Variants in SCMH1 observed in about 807,000 individuals in gnomAD.
SCMH1 encodes the protein Scm polycomb group protein homolog 1.
Under a neutral mutation model 70.8 loss-of-function variants are expected in SCMH1, and 37 were observed. That is an observed-to-expected ratio of 0.52 (90% CI 0.40 to 0.69). The LOEUF is 0.69. Among genes scored for constraint, SCMH1 ranks in the 30% least tolerant of loss-of-function variants. SCMH1 has a pLI of 0.00. For missense variants in SCMH1, 607 were observed against 827.3 expected (o/e 0.73, Z 3.27); for synonymous variants, 292 against 307.4 (o/e 0.95, Z 0.52).
chr1:41,222,714 T>A (rs1659540948), intron 1 of SCMH1, among the ~76,000 whole-genome samples: 1 of 152,132 alleles, frequency 6.6e-6, no homozygotes, highest in Non-Finnish European at 1.5e-5. Context: ...GGAGGCAGAT[T>A]TTCATTTCTG....
chr1:41,153,170 C>T (rs964311188), intron 4 of SCMH1, among the ~76,000 whole-genome samples: 6 of 152,088 alleles, frequency 3.9e-5, no homozygotes, highest in Non-Finnish European at 8.8e-5. Context: ...TTGGATTTCC[C>T]TGGATTGAGA....
intron 2 of SCMH1, among the ~76,000 whole-genome samples, chr1:41,176,091 A>T (rs767430717): frequency 6.6e-6 from 1 of 151,572 alleles, no homozygotes; most frequent in Non-Finnish European, 1.5e-5. Context: ...AAAGATCAAC[A>T]GTAAAACAAT....
intron 4 of SCMH1, among the ~76,000 whole-genome samples, chr1:41,152,104 A>G (rs1645122958): frequency 6.6e-6 from 1 of 152,128 alleles, no homozygotes. Flanking sequence ...AACACCCAAT[A>G]TGGTTGGATT....
At chr1:41,111,950 T>C (rs906431711) in intron 8 of SCMH1, among the ~76,000 whole-genome samples, 5 of 152,336 alleles carry the variant, frequency 3.3e-5, no homozygotes, top group African/African-American at 1.2e-4. Context: ...TGTATATAGA[T>C]GTCAAAACTT....
intron 1 of SCMH1, among the ~76,000 whole-genome samples, chr1:41,237,595 A>G (rs1227508276): frequency 2.0e-5 from 3 of 152,334 alleles, no homozygotes; most frequent in East Asian, 3.9e-4. Context: ...CTCTCTAGCC[A>G]TATTTCCTAC....
chr1:41,204,791 G>A (rs189321454), intron 1 of SCMH1, among the ~76,000 whole-genome samples: 8 of 152,206 alleles, frequency 5.3e-5, no homozygotes, highest in Admixed American at 4.6e-4. Context: ...CTCTCTCACT[G>A]GGGTGTTTAT....
intron 10 of SCMH1, among the ~76,000 whole-genome samples, chr1:41,067,787 T>C (rs1172201358): frequency 6.6e-6 from 1 of 152,164 alleles, no homozygotes; most frequent in Non-Finnish European, 1.5e-5. Context: ...TAAACCCAAA[T>C]GCAAACTATG....
rs142015771 is a variant in SCMH1, at chr1:41,125,136, CT to C, written c.413-8127del. On this transcript the variant is annotated intron_variant, in intron 6 of 14. Coordinates refer to ENST00000337495, the Ensembl canonical transcript of SCMH1. The stretch of plus-strand genomic sequence containing the variant: ...CCTATTCCTCAGTATGTTTTTTTAC[CT>C]AATAGTTTAAGCATTTATTGGTTAC... Among the ~76,000 whole-genome samples the C allele has an allele frequency of 6.1e-3, 929 of 152,102 alleles. 14 individuals are homozygous for C. The highest frequency in any genetic ancestry group is 0.021 in the African/African-American group (888 of 41,484).
chr1:41,164,001 A>G (rs1646245956), intron 2 of SCMH1, among the ~76,000 whole-genome samples: 1 of 152,156 alleles, frequency 6.6e-6, no homozygotes, highest in Admixed American at 6.5e-5. Context: ...TTGGTTGAAA[A>G]TTTAGATTCA....
At chr1:41,127,902 C>T (rs1431938237) in intron 6 of SCMH1, among the ~76,000 whole-genome samples, 1 of 152,102 alleles carries the variant, frequency 6.6e-6, no homozygotes, top group Non-Finnish European at 1.5e-5. Flanking sequence ...CCTGCCAGAA[C>T]CTTGATCTTG....
intron 2 of SCMH1, among the ~76,000 whole-genome samples, chr1:41,185,506 T>C (rs1649939016): frequency 6.6e-6 from 1 of 152,174 alleles, no homozygotes; most frequent in Non-Finnish European, 1.5e-5. Context: ...CCTTTCTAAA[T>C]GTGGCTACTA....
chr1:41,192,106 C>T (rs1053245146), intron 1 of SCMH1, among the ~76,000 whole-genome samples: 6 of 152,104 alleles, frequency 3.9e-5, no homozygotes, highest in Non-Finnish European at 8.8e-5. Context: ...GACTATATAA[C>T]ATGTCTTAAG....
chr1:41,240,332 C>A (rs547308981), intron 1 of SCMH1, among the ~76,000 whole-genome samples: 2 of 152,316 alleles, frequency 1.3e-5, no homozygotes, highest in South Asian at 4.1e-4. Context: ...AAGGCCATCT[C>A]ATCTCTACTG....
intron 1 of SCMH1, among the ~76,000 whole-genome samples, chr1:41,203,076 C>T (rs1654735461): frequency 6.6e-6 from 1 of 151,242 alleles, no homozygotes; most frequent in Non-Finnish European, 1.5e-5. Context: ...TTTATTTAAC[C>T]CAGTATATCA....
At chr1:41,171,187 A>T (rs1317770664) in intron 2 of SCMH1, among the ~76,000 whole-genome samples, 2 of 152,196 alleles carry the variant, frequency 1.3e-5, no homozygotes, top group African/African-American at 4.8e-5. Context: ...ACTATTTCCC[A>T]GGGTGATCAG....
rs570025029 is a variant in SCMH1, at chr1:41,096,802, C to T, written c.745+16481G>A. 6.4e-4 allele frequency among the ~76,000 whole-genome samples: 97 copies of T among 151,964 alleles called. 1 individual carries two copies. In the South Asian group the frequency reaches 0.02, roughly 31 times the overall value. On this transcript the variant is annotated intron_variant, in intron 8 of 14. Transcript: ENST00000337495. ...TCTTTCTCCTTTCCCTACCTTTTTT[C>T]TCATTCTTCTCATGCTAATAATTAG...
intron 6 of SCMH1, among the ~76,000 whole-genome samples, chr1:41,127,938 G>GA (rs960178057): frequency 8.6e-5 from 13 of 151,286 alleles, no homozygotes; most frequent in South Asian, 4.2e-4. Context: ...AGAACTGTGA[G>GA]AAAAAAAAAT....
At chr1:41,069,238 G>C (rs918427706) in intron 10 of SCMH1, among the ~76,000 whole-genome samples, 1 of 152,102 alleles carries the variant, frequency 6.6e-6, no homozygotes, top group Non-Finnish European at 1.5e-5. Flanking sequence ...ATGGAGTTGG[G>C]GTAGGGAAAT....
intron 8 of SCMH1, among the ~76,000 whole-genome samples, chr1:41,102,962 CCT>C (rs1666988952): frequency 1.3e-5 from 2 of 152,006 alleles, no homozygotes. Flanking sequence ...CTCAGAACCT[CCT>C]CTTTTTTCTT....
Sources: gnomAD v4.1 joint callset for allele counts (sites outside exome capture counted in the v4.1 genomes callset) on GRCh38, gnomAD v4.1.1 for gene constraint, MANE v1.5 for transcripts, NCBI Gene and HGNC (gene_info 2026-07-23, HGNC 2026-07-21) for gene names.